NLN: variants seen among roughly 807,000 people sequenced by gnomAD.
NLN encodes neurolysin, mitochondrial.
In NLN, 64 loss-of-function variants were observed where a neutral mutation model predicts 79.9. The ratio of observed to expected loss-of-function variants is 0.80; its 90% CI spans 0.65 to 0.99. The LOEUF (loss-of-function observed/expected upper bound fraction) is 0.99, where lower values mean the gene tolerates loss of function less well. Ranked by LOEUF, NLN falls within the 50% of genes least tolerant of loss-of-function variation. The probability of loss-of-function intolerance (pLI) is 0.00; values close to 1 mark genes in which losing one functional copy is unlikely to be tolerated. For synonymous variants in NLN, 267 were observed against 296.6 expected (o/e 0.90, Z 1.02); for missense variants, 835 against 858.7 (o/e 0.97, Z 0.34).
rs1683243240 is a variant in NLN, at chr5:65,827,523, G to C, written c.*4608G>C. On this transcript the variant is annotated 3_prime_UTR_variant, in exon 13 of 13. Transcript: ENST00000380985. ...CTGTTGATATCTTTGTGGCTAAGAT[G>C]GAGAATGTGACTGGATAATAGTTAT... is the stretch of plus-strand genomic sequence containing the variant. 1 of 152,154 alleles carries C rather than the reference G, an allele frequency of 6.6e-6. No homozygotes were observed. The highest frequency in any genetic ancestry group is 6.5e-5 in the Admixed American group (1 of 15,276). 9.4% of individuals were successfully genotyped at this position (152,154 alleles called of 1,614,324 possible).
intron 4 of NLN, among the ~76,000 whole-genome samples, chr5:65,778,925 G>A (rs991343655): frequency 6.6e-6 from 1 of 152,110 alleles, no homozygotes; most frequent in African/African-American, 2.4e-5. Flanking sequence ...AATGGAATAC[G>A]AGGCCTGGGT....
intron 12 of NLN, among the ~76,000 whole-genome samples, chr5:65,817,237 G>C (rs1251979074): frequency 6.6e-6 from 1 of 152,114 alleles, no homozygotes; most frequent in Non-Finnish European, 1.5e-5. Flanking sequence ...ATAGTAAATA[G>C]ACATCACATC....
At position 65,788,460 on chromosome 5, in the gene NLN, A is replaced by G; in HGVS notation, c.1301A>G (p.Gln434Arg). Residue 434 changes from glutamine to arginine, a missense_variant, in exon 8 of 13, where the codon CAG becomes CGG. Transcript: ENST00000380985. ...AAAGCTACAGGAGAAGTATTGGGAC[A>G]GTTCTATTTGGACCTCTATCCAAGG... ...KDKATGEVLG[Q>R]FYLDLYPREG... The G allele has an allele frequency of 6.2e-7, 1 of 1,613,784 alleles. No homozygotes were observed. Among genetic ancestry groups the G allele is most frequent in the Non-Finnish European group, 8.5e-7 (1 of 1,179,690 alleles).
chr5:65,788,084 C>T (rs1311146172), intron 7 of NLN, 34 bp from the exon 8 acceptor site: 1 of 1,588,764 alleles, frequency 6.3e-7, no homozygotes, highest in Admixed American at 1.8e-5. Flanking sequence ...CTTCCAAAAG[C>T]AAGTAGATCA....
chr5:65,750,959 A>G (rs896049720), intron 1 of NLN, among the ~76,000 whole-genome samples: 5 of 152,166 alleles, frequency 3.3e-5, no homozygotes, highest in African/African-American at 1.2e-4. Flanking sequence ...TAGTCAAAAC[A>G]ATGGCTAGAA....
chr5:65,801,099 G>T (rs1383023460), intron 9 of NLN, among the ~76,000 whole-genome samples: 1 of 151,872 alleles, frequency 6.6e-6, no homozygotes, highest in Non-Finnish European at 1.5e-5. Flanking sequence ...ATTTCCTGCA[G>T]CAAAAAAAAT....
chr5:65,758,247 G>A lies in NLN; in HGVS notation c.42-320G>A, dbSNP rs6863652. On this transcript the variant is annotated intron_variant, in intron 1 of 12. Coordinates refer to ENST00000380985, the MANE Select transcript of NLN (RefSeq NM_020726.5). ...TGAGACCCTGTCTTAAAAAAAGAGG[G>A]AGGGAAGATTACTGATTTAATTTAT... Among the ~76,000 whole-genome samples the A allele has an allele frequency of 9.5e-3, 1,444 of 152,048 alleles. 29 individuals are homozygous for A. Among genetic ancestry groups the A allele is most frequent in the African/African-American group, 0.033 (1,385 of 41,476 alleles).
intron 1 of NLN, among the ~76,000 whole-genome samples, chr5:65,732,651 C>T (rs1182321886): frequency 2.1e-5 from 3 of 143,708 alleles, no homozygotes; most frequent in Non-Finnish European, 3.1e-5. Context: ...GACGCGGGCA[C>T]GTCAGGGAAC....
At chr5:65,767,114 C>G (rs544415816) in intron 3 of NLN, among the ~76,000 whole-genome samples, 1 of 152,338 alleles carries the variant, frequency 6.6e-6, no homozygotes, top group Admixed American at 6.5e-5. Context: ...TAGCCCCCTT[C>G]TCACAACTCC....
chr5:65,784,386 G>A (rs1759869384), intron 6 of NLN, among the ~76,000 whole-genome samples: 1 of 152,098 alleles, frequency 6.6e-6, no homozygotes, highest in African/African-American at 2.4e-5. Context: ...ATTTTATGGT[G>A]CCTTAGTTCA....
chr5:65,815,762 G>A (rs1760656109), intron 12 of NLN, among the ~76,000 whole-genome samples: 1 of 151,776 alleles, frequency 6.6e-6, no homozygotes, highest in African/African-American at 2.4e-5. Context: ...TTTTGTTGGT[G>A]GCGGCGGGGG....
chr5:65,799,192 T>C (rs1251566735), intron 9 of NLN, among the ~76,000 whole-genome samples: 3 of 152,184 alleles, frequency 2.0e-5, no homozygotes, highest in African/African-American at 7.2e-5. Context: ...TATATAGTTA[T>C]TTTAAGAAAC....
chr5:65,754,878 A>G (rs924657683), intron 1 of NLN, among the ~76,000 whole-genome samples: 3 of 152,022 alleles, frequency 2.0e-5, no homozygotes, highest in Non-Finnish European at 2.9e-5. Context: ...TTCTTCAGAT[A>G]CTCGGGTTCC....
intron 1 of NLN, among the ~76,000 whole-genome samples, chr5:65,742,449 G>A (rs1481489591): frequency 6.6e-6 from 1 of 152,018 alleles, no homozygotes; most frequent in Non-Finnish European, 1.5e-5. Context: ...TACAATGAAG[G>A]AAAACTCATA....
chr5:65,747,505 A>G (rs911565673), intron 1 of NLN, among the ~76,000 whole-genome samples: 3 of 152,170 alleles, frequency 2.0e-5, no homozygotes, highest in African/African-American at 7.2e-5. Flanking sequence ...TTTTGGTGAG[A>G]GATGGTTGAC....
chr5:65,814,059 G>T (rs1163955175), intron 12 of NLN, among the ~76,000 whole-genome samples: 5 of 152,024 alleles, frequency 3.3e-5, no homozygotes, highest in African/African-American at 1.2e-4. Context: ...TTCCTGGTTT[G>T]CTGTCTTGGA....
chr5:65,767,959 TTCA>T (rs1759488072), intron 3 of NLN, among the ~76,000 whole-genome samples: 1 of 152,204 alleles, frequency 6.6e-6, no homozygotes, highest in Non-Finnish European at 1.5e-5. Context: ...GTTCCTCATC[TTCA>T]TCTGAGACCA....
chr5:65,805,180 T>G (rs1216933932), intron 9 of NLN, among the ~76,000 whole-genome samples: 2 of 152,220 alleles, frequency 1.3e-5, no homozygotes, highest in African/African-American at 4.8e-5. Flanking sequence ...TCTCACCCCC[T>G]CTTTTGGCCT....
At position 65,763,267 on chromosome 5, in the gene NLN, A is replaced by G. The variant is rs192859046; in HGVS notation, c.450+159A>G. Among the ~76,000 whole-genome samples the G allele has an allele frequency of 1.2e-3, 190 of 152,362 alleles. 1 individual carries two copies. Among genetic ancestry groups the G allele is most frequent in the African/African-American group, 4.5e-3 (187 of 41,586 alleles). On this transcript the variant is annotated intron_variant, in intron 3 of 12. Coordinates refer to ENST00000380985, the MANE Select transcript of NLN (RefSeq NM_020726.5). ...TATATAGTATTACATAATGTTAATT[A>G]TATCGTTGAGGTTATGTTGAGCTGC...
Sources: allele counts gnomAD v4.1 joint callset (sites outside exome capture counted in the v4.1 genomes callset), GRCh38; gene constraint gnomAD v4.1.1; transcripts MANE v1.5; gene names NCBI Gene and HGNC (gene_info 2026-07-23, HGNC 2026-07-21).